LRP2: variants seen among roughly 807,000 people sequenced by gnomAD.
LRP2 encodes low-density lipoprotein receptor-related protein 2.
LRP2 carries 172 observed loss-of-function variants against 531.0 expected under a neutral mutation model. The ratio of observed to expected loss-of-function variants is 0.32; its 90% confidence interval spans 0.29 to 0.37. LRP2 has a LOEUF of 0.37. Among genes scored for constraint, LRP2 ranks in the 10% least tolerant of loss-of-function variants. The probability of loss-of-function intolerance (pLI) is 1.00; values close to 1 mark genes in which losing one functional copy is unlikely to be tolerated. For missense variants in LRP2, 5,167 were observed against 5,868.3 expected (o/e 0.88, Z 3.90); for synonymous variants, 1,992 against 2,027.6 (o/e 0.98, Z 0.47).
chr2:169,205,691 TAAA>T (rs113353000), intron 40 of LRP2, 54 bp from the exon 41 acceptor site: 74 of 1,221,240 alleles, frequency 6.1e-5, no homozygotes, highest in Non-Finnish European at 7.1e-5. Context: ...CATAGTCCTT[TAAA>T]AAAAAAAAAA....
At chr2:169,330,525 A>G (rs1338787781) in intron 1 of LRP2, among the ~76,000 whole-genome samples, 3 of 152,058 alleles carry the variant, frequency 2.0e-5, no homozygotes, top group Non-Finnish European at 4.4e-5. Context: ...CACCTCTACA[A>G]TCAGGCAGTC....
chr2:169,362,181 G>GC, intron 1 of LRP2, 140 bp downstream of exon 1: 1 of 648,232 alleles, frequency 1.5e-6, no homozygotes, highest in Non-Finnish European at 2.5e-6. Flanking sequence ...CAACCTGAGC[G>GC]CCCCACCGGG....
rs764924937 is a variant in LRP2, at chr2:169,137,478, T to C, written c.13534A>G (p.Met4512Val). The change falls in exon 76 of 79, where the codon ATG (methionine) becomes GTG (valine). Residue 4512 changes from methionine (M) to valine (V), a missense_variant. By Grantham distance (21) the Met-to-Val change is conservative (BLOSUM62 1). Transcript: ENST00000649046. ...RSMAMSEDFV[M>V]EMGKQPIIFE... is the part of the protein sequence containing the mutation. ...ATTATGGGCTGCTTCCCCATTTCCA[T>C]GACAAAGTCTTCACTCTGATGGCAG... The C allele has an allele frequency of 3.1e-6, 5 of 1,609,188 alleles. No homozygotes were observed. In the South Asian group the frequency reaches 4.4e-5, roughly 14 times the overall value.
rs377247671 is a variant in LRP2, at chr2:169,244,837, T to C, written c.3286A>G (p.Ser1096Gly). Reference sequence around the variant, plus strand: ...TGGGTGGGGCAGTTGTGCTCATCACTGCCATCCACACAGTCGTTGCGTTTG... The same window carrying C: ...TGGGTGGGGCAGTTGTGCTCATCACCGCCATCCACACAGTCGTTGCGTTTG... The part of the protein sequence containing the change: ...CDKRNDCVDG[S>G]DEHNCPTHAP... The change falls in exon 22 of 79, where the codon AGT becomes GGT. Residue 1096 changes from serine (S) to glycine (G), a missense_variant. Around this residue, in one of 6 missense-constraint regions of LRP2, gnomAD observed 2,811 missense variants for 3,058.0 expected, o/e 0.92. Coordinates refer to ENST00000649046, the MANE Select transcript of LRP2 (RefSeq NM_004525.3). 3 of 1,614,134 alleles carry C rather than the reference T, an allele frequency of 1.9e-6. No individual in the cohort carries two copies. The African/African-American group carries it at 4.0e-5, about 22-fold the overall frequency.
intron 3 of LRP2, among the ~76,000 whole-genome samples, chr2:169,310,552 A>C (rs780874728): frequency 8.5e-5 from 13 of 152,168 alleles, no homozygotes; most frequent in Admixed American, 3.3e-4. Flanking sequence ...GGATGAAACC[A>C]ACTTGATCAT....
chr2:169,327,750 G>A lies in LRP2; in HGVS notation c.80-6866C>T, dbSNP rs551634924. Among the ~76,000 whole-genome samples, 11 of 133,244 alleles carry A rather than the reference G, an allele frequency of 8.3e-5. No homozygotes were observed. In the East Asian group the frequency reaches 2.5e-3, roughly 30 times the overall value. 87.4% of individuals were successfully genotyped at this position (133,244 alleles called of 152,430 possible). ...CCCGGCCAGCCGCCCCGTCCGGGAGGGAGGTGGGGGGGTCAGCCCCCCGCC... is the reference window on the plus strand; with the variant it reads ...CCCGGCCAGCCGCCCCGTCCGGGAGAGAGGTGGGGGGGTCAGCCCCCCGCC... On this transcript the variant is annotated intron_variant, in intron 1 of 78. Transcript: ENST00000649046.
chr2:169,147,999 T>A, intron 68 of LRP2, among the ~76,000 whole-genome samples: 1 of 152,142 alleles, frequency 6.6e-6, no homozygotes, highest in Non-Finnish European at 1.5e-5. Context: ...CTATGGGCCA[T>A]ATTTGGCCCA....
At chr2:169,306,068 A>G (rs1233383059) in intron 4 of LRP2, among the ~76,000 whole-genome samples, 3 of 152,154 alleles carry the variant, frequency 2.0e-5, no homozygotes, top group African/African-American at 2.4e-5. Flanking sequence ...CCCTCATTAA[A>G]TGACACATGA....
intron 74 of LRP2, among the ~76,000 whole-genome samples, chr2:169,139,042 C>A (rs1170678524): frequency 6.6e-6 from 1 of 152,222 alleles, no homozygotes; most frequent in Non-Finnish European, 1.5e-5. Flanking sequence ...CTACAAAACA[C>A]AGCTTGTCAC....
At chr2:169,327,513 C>A (rs1457397056) in intron 1 of LRP2, among the ~76,000 whole-genome samples, 78 of 127,978 alleles carry the variant, frequency 6.1e-4, no homozygotes, top group African/African-American at 1.9e-3. Context: ...GCCCGGCCAG[C>A]CGCCCCGTCC....
In LRP2 at chr2:169,316,785, G is replaced by A. The variant is rs570419260; in HGVS notation, c.310+1977C>T. ...GAGAGTGTCCAGAATGAGAAAAGCTGCTCAGGGCAGGGCTCTGAGCAACAC... is the reference window on the plus strand; with the variant it reads ...GAGAGTGTCCAGAATGAGAAAAGCTACTCAGGGCAGGGCTCTGAGCAACAC... On this transcript the variant is annotated intron_variant, in intron 3 of 78. Coordinates refer to ENST00000649046, the MANE Select transcript of LRP2 (RefSeq NM_004525.3). Among the ~76,000 whole-genome samples the A allele has an allele frequency of 1.2e-4, 18 of 152,264 alleles. No homozygotes were observed. In the South Asian group the frequency reaches 2.7e-3, roughly 23 times the overall value.
At chr2:169,280,578 G>A in intron 10 of LRP2, 59 bp from the exon 11 acceptor site, 1 of 1,519,172 alleles carries the variant, frequency 6.6e-7, no homozygotes, top group East Asian at 2.3e-5. Context: ...TGGTGAAGTA[G>A]CTTACAAATG....
chr2:169,192,218 T>C (rs990739993), intron 47 of LRP2, among the ~76,000 whole-genome samples, 185 bp from the exon 48 acceptor site: 1 of 152,202 alleles, frequency 6.6e-6, no homozygotes, highest in Non-Finnish European at 1.5e-5. Context: ...CCATTTTAAT[T>C]GCTTTGGACC....
At chr2:169,303,622 G>A (rs536058174) in intron 4 of LRP2, among the ~76,000 whole-genome samples, 11 of 151,986 alleles carry the variant, frequency 7.2e-5, no homozygotes, top group African/African-American at 2.2e-4. Flanking sequence ...ACTGTGACCA[G>A]ATCAAAGCAC....
At chr2:169,193,177 A>T (rs1401799716) in intron 47 of LRP2, among the ~76,000 whole-genome samples, 1 of 152,160 alleles carries the variant, frequency 6.6e-6, no homozygotes, top group African/African-American at 2.4e-5. Context: ...TTGTAATCCC[A>T]GCACTTTGGG....
At chr2:169,134,725 C>T (rs1234453147) in intron 76 of LRP2, among the ~76,000 whole-genome samples, 3 of 152,144 alleles carry the variant, frequency 2.0e-5, no homozygotes, top group African/African-American at 4.8e-5. Context: ...TCTATATATG[C>T]CTTCCATATC....
chr2:169,162,239 A>C (rs1686614635), intron 63 of LRP2, among the ~76,000 whole-genome samples: 1 of 152,214 alleles, frequency 6.6e-6, no homozygotes, highest in South Asian at 2.1e-4. Context: ...TGTACATAAG[A>C]AAGAGATAAT....
chr2:169,256,667 C>T (rs1032084791), intron 18 of LRP2, among the ~76,000 whole-genome samples: 3 of 152,026 alleles, frequency 2.0e-5, no homozygotes, highest in Non-Finnish European at 2.9e-5. Context: ...TTCTTGAGAA[C>T]CATAGCTTAT....
rs200729164 is a variant in LRP2, at chr2:169,203,156, ATG to A, written c.8006-199_8006-198del. On this transcript the variant is annotated intron_variant, in intron 42 of 78. Transcript: ENST00000649046. The stretch of plus-strand genomic sequence containing the variant: ...AAGAGCAATCACCAATTTCTAATAA[ATG>A]TGCCGATTCCTTCTAAACAACAGGA... Among the ~76,000 whole-genome samples, 1,122 of 150,500 alleles carry A rather than the reference ATG, an allele frequency of 7.5e-3. 10 individuals carry two copies. Among genetic ancestry groups the A allele is most frequent in the African/African-American group, 0.026 (1,066 of 41,210 alleles).
Sources: allele counts gnomAD v4.1 joint callset (sites outside exome capture counted in the v4.1 genomes callset), GRCh38; gene constraint gnomAD v4.1.1; regional missense constraint gnomAD v4.1.1; transcripts MANE v1.5; gene names NCBI Gene and HGNC (gene_info 2026-07-23, HGNC 2026-07-21).